Variants in ARHGEF7 observed in about 807,000 individuals in gnomAD.
ARHGEF7 encodes the protein Rho guanine nucleotide exchange factor 7.
ARHGEF7 carries 33 observed loss-of-function variants against 109.8 expected under a neutral mutation model. The ratio of observed to expected loss-of-function variants is 0.30; its 90% confidence interval spans 0.23 to 0.40. The LOEUF (loss-of-function observed/expected upper bound fraction) is 0.40. Among genes scored for constraint, ARHGEF7 ranks in the 10% least tolerant of loss-of-function variants. ARHGEF7 has a pLI of 1.00. For synonymous variants in ARHGEF7, 458 were observed against 424.6 expected (o/e 1.08, Z -0.97); for missense variants, 938 against 1,098.5 (o/e 0.85, Z 2.07).
chr13:111,292,191 G>T lies in ARHGEF7; in HGVS notation c.2208G>T (p.Gly736=). Residue 736 remains glycine (G), a synonymous_variant, in exon 19 of 22, where the codon GGG becomes GGT. Coordinates refer to ENST00000646102, the MANE Select transcript of ARHGEF7 (RefSeq NM_001354046.2). The stretch of plus-strand genomic sequence containing the variant: ...ACCAACCAAGCCTAGACTCCCTGGG[G>T]CGTCGCAGTAGCCTTTCTCGTTTGG... ...DDDQPSLDSL[G]RRSSLSRLEP... is the part of the protein sequence containing the mutation. 2 of 1,614,022 alleles carry T rather than the reference G, an allele frequency of 1.2e-6. No individual in the cohort carries two copies. Among genetic ancestry groups the T allele is most frequent in the Non-Finnish European group, 1.7e-6 (2 of 1,180,028 alleles).
At chr13:111,299,679 C>T (rs557552972) in intron 19 of ARHGEF7, among the ~76,000 whole-genome samples, 12 of 152,252 alleles carry the variant, frequency 7.9e-5, no homozygotes, top group East Asian at 7.7e-4. Context: ...ATAAAACATT[C>T]GTATTGTACT....
At chr13:111,274,654 A>G (rs1223922672) in intron 10 of ARHGEF7, 77 bp from the exon 11 acceptor site, 8 of 805,264 alleles carry the variant, frequency 9.9e-6, no homozygotes, top group African/African-American at 3.6e-5. Flanking sequence ...AAAAGTTTCA[A>G]GCTGGTCTGT....
intron 2 of ARHGEF7, among the ~76,000 whole-genome samples, chr13:111,183,790 A>G (rs974458012): frequency 6.6e-5 from 10 of 151,938 alleles, no homozygotes; most frequent in East Asian, 1.9e-4. Context: ...ATAATTTTCA[A>G]TTTTTTAGTA....
chr13:111,159,695 C>T (rs1057375321), intron 2 of ARHGEF7, among the ~76,000 whole-genome samples: 10 of 152,090 alleles, frequency 6.6e-5, no homozygotes, highest in Non-Finnish European at 1.2e-4. Context: ...CTGTTTGGGT[C>T]CTTTGCTCAT....
At chr13:111,115,915 G>T (rs2066722386) in intron 1 of ARHGEF7, among the ~76,000 whole-genome samples, 1 of 151,202 alleles carries the variant, frequency 6.6e-6, no homozygotes, top group Non-Finnish European at 1.5e-5. Context: ...GGGGGGAGGG[G>T]CGGCGCGGGC....
At chr13:111,300,910 A>C (rs2093550797) in intron 20 of ARHGEF7, 63 bp downstream of exon 20, 2 of 1,063,724 alleles carry the variant, frequency 1.9e-6, no homozygotes, top group South Asian at 1.6e-5. Flanking sequence ...AGTAGAGTCC[A>C]GACAACTCCC....
chr13:111,179,572 C>T (rs1240632926), intron 2 of ARHGEF7, among the ~76,000 whole-genome samples: 5 of 152,160 alleles, frequency 3.3e-5, no homozygotes, highest in Admixed American at 1.3e-4. Context: ...ATAATGTTAT[C>T]GCTTATGCAA....
intron 11 of ARHGEF7, among the ~76,000 whole-genome samples, chr13:111,275,207 A>G (rs547572794): frequency 6.6e-6 from 1 of 152,346 alleles, no homozygotes; most frequent in African/African-American, 2.4e-5. Flanking sequence ...CATATTGGCA[A>G]ACACGAACAA....
chr13:111,253,621 A>T (rs2090056723), intron 8 of ARHGEF7, among the ~76,000 whole-genome samples: 1 of 152,200 alleles, frequency 6.6e-6, no homozygotes, highest in Admixed American at 6.5e-5. Context: ...TCAGATGTAC[A>T]GCTCTTGAAA....
chr13:111,195,989 T>C (rs1192626148), intron 2 of ARHGEF7, among the ~76,000 whole-genome samples: 1 of 152,210 alleles, frequency 6.6e-6, no homozygotes, highest in Non-Finnish European at 1.5e-5. Flanking sequence ...GGCCCAGGGC[T>C]TGCTTTTGGA....
At position 111,283,305 on chromosome 13, in the gene ARHGEF7, T is replaced by C; in HGVS notation, c.1892T>C (p.Leu631Pro). The stretch of plus-strand genomic sequence containing the variant: ...CCGAAAACACCCAAGCCCTGGAGCC[T>C]GAGCTGCCTGCGGCCCGCGCCTCCC... ...EPPKTPKPWS[L>P]SCLRPAPPLR... Residue 631 changes from leucine to proline, a missense_variant, in exon 16 of 22, where the codon CTG (leucine) becomes CCG (proline). Transcript: ENST00000646102. 2 of 1,572,428 alleles carry C rather than the reference T, an allele frequency of 1.3e-6. No homozygotes were observed. Among genetic ancestry groups the C allele is most frequent in the South Asian group, 1.2e-5 (1 of 86,568 alleles).
intron 6 of ARHGEF7, among the ~76,000 whole-genome samples, chr13:111,236,980 A>G (rs1414736275): frequency 6.6e-6 from 1 of 152,108 alleles, no homozygotes; most frequent in Non-Finnish European, 1.5e-5. Flanking sequence ...AAACCAAAAA[A>G]CACCTCTGAC....
At position 111,153,967 on chromosome 13, in the gene ARHGEF7, C is replaced by G. The variant is rs752274997; in HGVS notation, c.228C>G (p.Gly76=). 6.2e-7 allele frequency: 1 copy of G among 1,603,738 alleles called. No individual in the cohort carries two copies. Among genetic ancestry groups the G allele is most frequent in the African/African-American group, 1.4e-5 (1 of 73,166 alleles). The stretch of plus-strand genomic sequence containing the variant: ...GCAACATCCGCGAGTTCCTGCGCGG[C>G]TGCGGGGCTTCCCTGCGGCTGGAGG... ...CLSNIREFLR[G]CGASLRLETF... The change falls in exon 2 of 22, where the codon GGC becomes GGG. Residue 76 remains glycine, a synonymous_variant. Transcript: ENST00000646102.
chr13:111,259,625 A>G (rs750477631), intron 8 of ARHGEF7, among the ~76,000 whole-genome samples: 1 of 152,204 alleles, frequency 6.6e-6, no homozygotes, highest in Non-Finnish European at 1.5e-5. Flanking sequence ...CCCTTTGAAT[A>G]CTGGAAAGCC....
intron 6 of ARHGEF7, 115 bp downstream of exon 6, chr13:111,233,408 C>G: frequency 1.3e-6 from 1 of 796,190 alleles, no homozygotes; most frequent in Non-Finnish European, 2.1e-6. Flanking sequence ...AAAGTTCATT[C>G]ATCTGCCACA....
intron 2 of ARHGEF7, among the ~76,000 whole-genome samples, chr13:111,190,255 G>A (rs2147682): frequency 0.018 from 2,755 of 152,258 alleles, 66 homozygotes; most frequent in African/African-American, 0.061. Context: ...GCTGCCACGG[G>A]ACCTAGAAAG....
intron 1 of ARHGEF7, among the ~76,000 whole-genome samples, chr13:111,142,364 A>G (rs1566619182): frequency 2.0e-3 from 1 of 496 alleles, no homozygotes; most frequent in Non-Finnish European, 5.8e-3. Flanking sequence ...ATTATAAATA[A>G]TGATAGTAAT....
chr13:111,127,524 C>T (rs9588363), intron 1 of ARHGEF7, among the ~76,000 whole-genome samples: 4 of 151,588 alleles, frequency 2.6e-5, no homozygotes, highest in Admixed American at 2.6e-4. Context: ...GGATGTGCCT[C>T]TGGTCCCAGC....
intron 1 of ARHGEF7, among the ~76,000 whole-genome samples, chr13:111,126,580 AGCC>A (rs2067577990): frequency 6.6e-6 from 1 of 152,300 alleles, no homozygotes; most frequent in Non-Finnish European, 1.5e-5. Context: ...GTGCCCTAGA[AGCC>A]ATAATTTTCC....
Sources: gnomAD v4.1 joint callset for allele counts (sites outside exome capture counted in the v4.1 genomes callset) on GRCh38, gnomAD v4.1.1 for gene constraint, MANE v1.5 for transcripts, NCBI Gene and HGNC (gene_info 2026-07-23, HGNC 2026-07-21) for gene names.